NRG3: variants seen among roughly 807,000 people sequenced by gnomAD.
NRG3 encodes the protein pro-neuregulin-3, membrane-bound isoform.
Under a neutral mutation model 66.9 loss-of-function variants are expected in NRG3, and 31 were observed. That is an observed-to-expected ratio of 0.46 (90% CI 0.35 to 0.63). The LOEUF (loss-of-function observed/expected upper bound fraction) is 0.63. Ranked by LOEUF, NRG3 falls within the 20% of genes least tolerant of loss-of-function variation. The pLI, the probability that NRG3 is intolerant of heterozygous loss-of-function variation, is 0.00. For synonymous variants in NRG3, 393 were observed against 359.4 expected (o/e 1.09, Z -1.06); for missense variants, 910 against 878.9 (o/e 1.04, Z -0.45).
intron 1 of NRG3, among the ~76,000 whole-genome samples, chr10:82,197,371 G>C (rs1279730810): frequency 6.6e-6 from 1 of 152,092 alleles, no homozygotes; most frequent in African/African-American, 2.4e-5. Flanking sequence ...TAGTACAAAG[G>C]CTCCAGGGTG....
At chr10:82,407,163 G>A (rs1275082828) in intron 2 of NRG3, among the ~76,000 whole-genome samples, 2 of 150,718 alleles carry the variant, frequency 1.3e-5, no homozygotes, top group African/African-American at 4.9e-5. Flanking sequence ...AACATGGGGA[G>A]AGCAGACCTA....
At chr10:82,532,388 C>G (rs1276965288) in intron 2 of NRG3, among the ~76,000 whole-genome samples, 2 of 150,532 alleles carry the variant, frequency 1.3e-5, no homozygotes, top group African/African-American at 4.9e-5. Flanking sequence ...AATAGTAATC[C>G]ATTGTACTAT....
At chr10:82,786,011 A>T (rs375494587) in intron 3 of NRG3, among the ~76,000 whole-genome samples, 13 of 152,192 alleles carry the variant, frequency 8.5e-5, no homozygotes, top group Middle Eastern at 3.4e-3. Flanking sequence ...GTTGCGAAGA[A>T]CCTGTGAGCC....
chr10:82,660,223 A>AC (rs2133956349), intron 2 of NRG3, among the ~76,000 whole-genome samples: 1 of 141,010 alleles, frequency 7.1e-6, no homozygotes, highest in South Asian at 2.3e-4. Context: ...AAAAAAAAAA[A>AC]AAAAAAAAAA....
At chr10:82,279,410 T>C (rs2079019142) in intron 1 of NRG3, among the ~76,000 whole-genome samples, 1 of 152,178 alleles carries the variant, frequency 6.6e-6, no homozygotes, top group Non-Finnish European at 1.5e-5. Flanking sequence ...GCCCATCAGA[T>C]TGTTTTTCCA....
At chr10:81,912,484 A>G (rs1845262991) in intron 1 of NRG3, among the ~76,000 whole-genome samples, 1 of 152,202 alleles carries the variant, frequency 6.6e-6, no homozygotes, top group African/African-American at 2.4e-5. Context: ...GGCTTCCCAA[A>G]GTACTGGGAT....
chr10:82,037,940 A>G (rs2062862061), intron 1 of NRG3, among the ~76,000 whole-genome samples: 1 of 151,600 alleles, frequency 6.6e-6, no homozygotes, highest in Admixed American at 6.6e-5. Flanking sequence ...TGAATGCCTC[A>G]AAAGTCGTGG....
chr10:82,575,664 C>T (rs1044717035), intron 2 of NRG3, among the ~76,000 whole-genome samples: 4 of 151,678 alleles, frequency 2.6e-5, no homozygotes, highest in Admixed American at 2.0e-4. Flanking sequence ...AACAAACAAA[C>T]AAACAAAGAC....
chr10:82,846,088 T>G (rs951712344), intron 3 of NRG3, among the ~76,000 whole-genome samples: 6 of 152,146 alleles, frequency 3.9e-5, no homozygotes, highest in African/African-American at 1.4e-4. Flanking sequence ...TCCTAGTATT[T>G]TCATCCTGTT....
chr10:82,486,085 A>C (rs1202955972), intron 2 of NRG3, among the ~76,000 whole-genome samples: 1 of 152,174 alleles, frequency 6.6e-6, no homozygotes, highest in East Asian at 1.9e-4. Flanking sequence ...CGCAAGTCAA[A>C]ACCAAAATGA....
intron 2 of NRG3, among the ~76,000 whole-genome samples, chr10:82,492,387 A>C (rs1279134019): frequency 6.6e-6 from 1 of 152,236 alleles, no homozygotes; most frequent in East Asian, 1.9e-4. Context: ...CAGGATAATT[A>C]TTTCTTTCAT....
At chr10:82,892,411 C>T (rs944485415) in intron 4 of NRG3, among the ~76,000 whole-genome samples, 1 of 152,142 alleles carries the variant, frequency 6.6e-6, no homozygotes, top group Non-Finnish European at 1.5e-5. Flanking sequence ...CGCCTGTAAT[C>T]CCAACACTTT....
At chr10:81,993,062 C>T (rs1884362) in intron 1 of NRG3, among the ~76,000 whole-genome samples, 69,738 of 151,894 alleles carry the variant, frequency 0.46, 20,177 homozygotes, top group African/African-American at 0.78. Context: ...ACTATTTGAA[C>T]GATAAGAAGT....
intron 4 of NRG3, among the ~76,000 whole-genome samples, chr10:82,886,886 A>G (rs1030887420): frequency 6.6e-6 from 1 of 152,236 alleles, no homozygotes; most frequent in Admixed American, 6.5e-5. Context: ...ATTTATACCT[A>G]GATAGAAAGA....
At position 82,123,242 on chromosome 10, in the gene NRG3, T is replaced by G. The variant is rs577127682; in HGVS notation, c.824-235497T>G. Among the ~76,000 whole-genome samples the G allele has an allele frequency of 2.1e-4, 32 of 152,260 alleles. No individual in the cohort carries two copies. The South Asian group carries it at 6.2e-3, about 30-fold the overall frequency. On this transcript the variant is annotated intron_variant, in intron 1 of 8. Transcript: ENST00000372141. ...TTGGAGATAATTATAATACTTGGAA[T>G]ATCAACAGATAAAAATACTAGTTGA...
intron 3 of NRG3, among the ~76,000 whole-genome samples, chr10:82,840,868 A>G (rs1350794472): frequency 6.6e-6 from 1 of 152,022 alleles, no homozygotes; most frequent in Non-Finnish European, 1.5e-5. Flanking sequence ...TAATCAGAGT[A>G]TTCTAATTGC....
chr10:81,976,730 A>G (rs1202130945), intron 1 of NRG3, among the ~76,000 whole-genome samples: 1 of 152,210 alleles, frequency 6.6e-6, no homozygotes, highest in East Asian at 1.9e-4. Context: ...TCTTTTTGGT[A>G]TGAATGTGCA....
chr10:82,064,729 AG>A (rs2064356580), intron 1 of NRG3, among the ~76,000 whole-genome samples: 1 of 152,192 alleles, frequency 6.6e-6, no homozygotes, highest in Non-Finnish European at 1.5e-5. Flanking sequence ...TGCTGATGGA[AG>A]GGGTGACCCA....
chr10:82,643,396 T>G (rs1256080669), intron 2 of NRG3, among the ~76,000 whole-genome samples: 1 of 152,132 alleles, frequency 6.6e-6, no homozygotes, highest in African/African-American at 2.4e-5. Context: ...CCTTCCACTA[T>G]GATTGTGAGG....
Sources: allele counts gnomAD v4.1 joint callset (sites outside exome capture counted in the v4.1 genomes callset), GRCh38; gene constraint gnomAD v4.1.1; transcripts MANE v1.5; gene names NCBI Gene and HGNC (gene_info 2026-07-23, HGNC 2026-07-21).